LRRTM3: variants seen among roughly 807,000 people sequenced by gnomAD.
LRRTM3 encodes the protein leucine rich repeat transmembrane neuronal 3.
Under a neutral mutation model 44.7 loss-of-function variants are expected in LRRTM3, and 24 were observed. The observed-to-expected ratio is 0.54, with a 90% confidence interval of 0.39 to 0.76. LRRTM3 has a LOEUF of 0.76. Among genes scored for constraint, LRRTM3 ranks in the 30% least tolerant of loss-of-function variants. The probability of loss-of-function intolerance (pLI) is 0.00; values close to 1 mark genes in which losing one functional copy is unlikely to be tolerated. For missense variants in LRRTM3, 587 were observed against 702.2 expected, an observed-to-expected ratio of 0.84 and a Z score of 1.85; for synonymous variants, 277 against 278.7, an observed-to-expected ratio of 0.99 and a Z score of 0.06.
In LRRTM3 at chr10:67,099,489, A is replaced by T. The variant is rs1720803014; in HGVS notation, c.*1693A>T. On this transcript the variant is annotated 3_prime_UTR_variant, in exon 3 of 3. Transcript: ENST00000361320. ...AAAAGAATAACTGAAAACAATGTCA[A>T]ACTTTTAAATTTTTATCTCTTCCAA... 1 of 152,136 alleles carries T rather than the reference A, an allele frequency of 6.6e-6. No individual in the cohort carries two copies. The highest frequency in any genetic ancestry group is 2.1e-4 in the South Asian group (1 of 4,832). 9.4% of individuals were successfully genotyped at this position (152,136 alleles called of 1,614,324 possible). A position where few individuals can be genotyped will look rare whatever the true frequency, so the allele number is the denominator to read the frequency against.
At chr10:67,028,729 G>A (rs1258891340) in intron 2 of LRRTM3, among the ~76,000 whole-genome samples, 2 of 151,204 alleles carry the variant, frequency 1.3e-5, no homozygotes, top group African/African-American at 4.9e-5. Context: ...AATCTAAAAC[G>A]ATTAAGGTCT....
Position 67,060,349 on chromosome 10 carries a change from T to C in LRRTM3, c.1537-37238T>C, listed in dbSNP as rs185335061. Among the ~76,000 whole-genome samples the C allele has an allele frequency of 4.3e-3, 647 of 152,226 alleles. 1 individual carries two copies. The highest frequency in any genetic ancestry group is 0.015 in the African/African-American group (608 of 41,536). On this transcript the variant is annotated intron_variant, in intron 2 of 2. Coordinates refer to ENST00000361320, the MANE Select transcript of LRRTM3 (RefSeq NM_178011.5). Reference sequence around the variant, plus strand: ...TTTTTAAAAAAATTCTGTAAATGTATACAATTAATTGCCAAGTGACTAAAC... The same window carrying C: ...TTTTTAAAAAAATTCTGTAAATGTACACAATTAATTGCCAAGTGACTAAAC...
chr10:67,029,364 G>T (rs1853581775), intron 2 of LRRTM3, among the ~76,000 whole-genome samples: 1 of 152,156 alleles, frequency 6.6e-6, no homozygotes. Flanking sequence ...TTTTGGAGCT[G>T]GTTCAGAGCA....
At chr10:67,059,686 A>G (rs1855646031) in intron 2 of LRRTM3, among the ~76,000 whole-genome samples, 2 of 152,256 alleles carry the variant, frequency 1.3e-5, no homozygotes, top group East Asian at 3.9e-4. Flanking sequence ...GTTTCCCTGA[A>G]CATCCAAACT....
chr10:66,964,480 T>C (rs7899256), intron 2 of LRRTM3, among the ~76,000 whole-genome samples: 26,142 of 152,130 alleles, frequency 0.17, 2,361 homozygotes, highest in Middle Eastern at 0.19. Flanking sequence ...ATAACAATTG[T>C]AAATATTCAT....
intron 2 of LRRTM3, among the ~76,000 whole-genome samples, chr10:66,983,549 G>T (rs1273375442): frequency 1.3e-5 from 2 of 151,676 alleles, no homozygotes; most frequent in African/African-American, 4.9e-5. Flanking sequence ...CCCAACCATG[G>T]TAACATCTAA....
chr10:66,966,494 T>TC, intron 2 of LRRTM3, among the ~76,000 whole-genome samples: 1 of 150,992 alleles, frequency 6.6e-6, no homozygotes, highest in South Asian at 2.1e-4. Context: ...TATTTTTTTT[T>TC]TCAGGATATA....
Position 66,928,548 on chromosome 10 carries a change from C to G in LRRTM3, c.1536+96C>G, listed in dbSNP as rs967047461. 1.6e-5 allele frequency: 18 copies of G among 1,105,622 alleles called. 1 individual carries two copies. The highest frequency in any genetic ancestry group is 2.2e-5 in the Non-Finnish European group (17 of 787,916). 68.5% of individuals were successfully genotyped at this position (1,105,622 alleles called of 1,614,324 possible). The stretch of plus-strand genomic sequence containing the variant: ...ACTATCAAGGGAACGCGATGCCCCC[C>G]CTCCCCTTCCCTCTCCCTCTCACTT... On this transcript the variant is annotated intron_variant, in intron 2 of 2. Coordinates refer to ENST00000361320, the MANE Select transcript of LRRTM3 (RefSeq NM_178011.5).
chr10:66,967,333 C>CATAT (rs558943403), intron 2 of LRRTM3, among the ~76,000 whole-genome samples: 2 of 140,896 alleles, frequency 1.4e-5, no homozygotes, highest in African/African-American at 5.0e-5. Context: ...TGGATATAGA[C>CATAT]ATATATATAT....
intron 2 of LRRTM3, among the ~76,000 whole-genome samples, chr10:67,001,357 T>C (rs1851681856): frequency 7.0e-6 from 1 of 143,576 alleles, no homozygotes; most frequent in Non-Finnish European, 1.5e-5. Context: ...AATAAAATCA[T>C]AAAATCTGGG....
chr10:67,061,882 A>G (rs1346162623), intron 2 of LRRTM3, among the ~76,000 whole-genome samples: 1 of 152,178 alleles, frequency 6.6e-6, no homozygotes, highest in Non-Finnish European at 1.5e-5. Context: ...GTTATGTTCT[A>G]GATTCATGCA....
chr10:66,978,866 A>G (rs1260541081), intron 2 of LRRTM3, among the ~76,000 whole-genome samples: 1 of 150,974 alleles, frequency 6.6e-6, no homozygotes, highest in African/African-American at 2.4e-5. Flanking sequence ...TTTTATGTAA[A>G]TTTCACAAAG....
At chr10:66,936,808 C>G (rs1429658435) in intron 2 of LRRTM3, among the ~76,000 whole-genome samples, 3 of 152,160 alleles carry the variant, frequency 2.0e-5, no homozygotes, top group Non-Finnish European at 4.4e-5. Context: ...TATCAAATAT[C>G]TGCTCCCAGA....
At chr10:66,983,853 T>A (rs1402154153) in intron 2 of LRRTM3, among the ~76,000 whole-genome samples, 1 of 152,228 alleles carries the variant, frequency 6.6e-6, no homozygotes. Context: ...ATAATTAATG[T>A]TAAAAATAAT....
At chr10:67,056,028 T>C (rs1404515778) in intron 2 of LRRTM3, among the ~76,000 whole-genome samples, 2 of 152,228 alleles carry the variant, frequency 1.3e-5, no homozygotes, top group East Asian at 3.9e-4. Context: ...GTAATATATG[T>C]ATATTATATT....
Position 67,097,609 on chromosome 10 carries a change from C to A in LRRTM3, c.1559C>A (p.Ser520Ter), listed in dbSNP as rs1858086568. 2.5e-6 allele frequency: 4 copies of A among 1,612,246 alleles called. No individual in the cohort carries two copies. Among genetic ancestry groups the A allele is most frequent in the Non-Finnish European group, 3.4e-6 (4 of 1,178,836 alleles). ...CAGATACCTTTATCAATGAATGTGT[C>A]AACCTTTCTGGCATACGACCAGCCC... ...ECEIPLSMNVSTFLAYDQPTI... is the reference protein window; with the variant it reads ...ECEIPLSMNV The change falls in exon 3 of 3, where the codon TCA becomes TAA. Residue 520 changes from serine to a stop codon, truncating the protein, a stop_gained. Transcript: ENST00000361320. LOFTEE classifies it high-confidence loss of function.
chr10:67,015,167 A>G (rs1852581258), intron 2 of LRRTM3: 1 of 152,082 alleles, frequency 6.6e-6, no homozygotes. Context: ...TTCCAATATT[A>G]CCTTGTCACA....
chr10:67,067,791 C>T (rs115885473), intron 2 of LRRTM3, among the ~76,000 whole-genome samples: 1 of 152,158 alleles, frequency 6.6e-6, no homozygotes, highest in East Asian at 1.9e-4. Context: ...TCTGGGCACA[C>T]TATGTGCTGG....
chr10:67,031,976 T>G (rs1353430812), intron 2 of LRRTM3, among the ~76,000 whole-genome samples: 1 of 152,206 alleles, frequency 6.6e-6, no homozygotes, highest in African/African-American at 2.4e-5. Context: ...ATTCTAGAAA[T>G]CTGAGTTCTA....
Sources: gnomAD v4.1 joint callset for allele counts (sites outside exome capture counted in the v4.1 genomes callset) on GRCh38, gnomAD v4.1.1 for gene constraint, MANE v1.5 for transcripts, NCBI Gene and HGNC (gene_info 2026-07-23, HGNC 2026-07-21) for gene names.